SORBS2: variants seen among roughly 807,000 people sequenced by gnomAD.
SORBS2 encodes sorbin and SH3 domain-containing protein 2.
In SORBS2, 46 loss-of-function variants were observed where a neutral mutation model predicts 97.7. The ratio of observed to expected loss-of-function variants is 0.47; its 90% CI spans 0.37 to 0.60. SORBS2 has a LOEUF of 0.60. Among genes scored for constraint, SORBS2 ranks in the 20% least tolerant of loss-of-function variants. The probability of loss-of-function intolerance (pLI) is 0.00; values close to 1 mark genes in which losing one functional copy is unlikely to be tolerated. For missense variants in SORBS2, 1,316 were observed against 1,282.3 expected (o/e 1.03, Z -0.40); for synonymous variants, 476 against 473.4 (o/e 1.01, Z -0.07).
intron 1 of SORBS2, among the ~76,000 whole-genome samples, chr4:185,785,446 G>A (rs1169185076): frequency 1.3e-5 from 2 of 152,176 alleles, no homozygotes; most frequent in African/African-American, 2.4e-5. Flanking sequence ...AAATCATAAC[G>A]ATTCCGTTTT....
intron 1 of SORBS2, among the ~76,000 whole-genome samples, chr4:185,655,130 A>G (rs2097376553): frequency 6.6e-6 from 1 of 152,254 alleles, no homozygotes; most frequent in Non-Finnish European, 1.5e-5. Context: ...AAAGGTTCAC[A>G]TAGATGTCCC....
chr4:185,762,823 G>C (rs1344789632), intron 2 of SORBS2, among the ~76,000 whole-genome samples: 1 of 151,982 alleles, frequency 6.6e-6, no homozygotes, highest in Admixed American at 6.6e-5. Context: ...ACTTATGAAC[G>C]AGTTAAGAAC....
chr4:185,678,472 C>A (rs2097827205), exon 4 of SORBS2: 5 of 1,551,076 alleles, frequency 3.2e-6, no homozygotes, highest in Non-Finnish European at 4.4e-6. Flanking sequence ...GCTTCTAAAA[C>A]CTTTTGCTGC....
chr4:185,602,166 C>T (rs769725243), intron 12 of SORBS2, among the ~76,000 whole-genome samples: 4 of 152,078 alleles, frequency 2.6e-5, no homozygotes, highest in African/African-American at 4.8e-5. Flanking sequence ...CCTGTCACCA[C>T]GTCCGGCTAA....
Position 185,683,831 on chromosome 4 carries a change from C to T in SORBS2, c.-197-5009G>A, listed in dbSNP as rs532294571. ...AGTTTAGAATTAAGTGGCTGTAAAG[C>T]GAAGAACACCCTGAGTATTTAATCA... On this transcript the variant is annotated intron_variant, in intron 2 of 20. Coordinates refer to the SORBS2 transcript ENST00000284776. 3.9e-5 allele frequency among the ~76,000 whole-genome samples: 6 copies of T among 152,124 alleles called. No homozygotes were observed. In the South Asian group the frequency reaches 6.2e-4, roughly 16 times the overall value.
intron 2 of SORBS2, among the ~76,000 whole-genome samples, chr4:185,766,940 T>C (rs2098937273): frequency 6.6e-6 from 1 of 152,218 alleles, no homozygotes; most frequent in Admixed American, 6.5e-5. Context: ...TTCTATTCTA[T>C]CCTTTCTAAT....
intron 2 of SORBS2, among the ~76,000 whole-genome samples, chr4:185,697,317 C>T (rs2098190171): frequency 6.6e-6 from 1 of 152,156 alleles, no homozygotes; most frequent in Non-Finnish European, 1.5e-5. Flanking sequence ...TTGAAGCAAG[C>T]CATATGGTTT....
chr4:185,848,635 T>A (rs2099215988), intron 1 of SORBS2, among the ~76,000 whole-genome samples: 1 of 15,376 alleles, frequency 6.5e-5, no homozygotes. Flanking sequence ...TTTTTTTTTT[T>A]TTTTTTTTTT....
intron 1 of SORBS2, among the ~76,000 whole-genome samples, chr4:185,889,100 T>C (rs2099241182): frequency 6.6e-6 from 1 of 152,230 alleles, no homozygotes; most frequent in Non-Finnish European, 1.5e-5. Flanking sequence ...TTTTCTGTTT[T>C]ACTTTTATCT....
At chr4:185,797,326 G>A (rs976985150) in intron 1 of SORBS2, among the ~76,000 whole-genome samples, 2 of 152,082 alleles carry the variant, frequency 1.3e-5, no homozygotes, top group Admixed American at 6.5e-5. Flanking sequence ...CGAATTCATC[G>A]ACACTATCAT....
rs75814406 is a variant in SORBS2, at chr4:185,920,694, G to A, written c.-338+35502C>T. Among the ~76,000 whole-genome samples the A allele has an allele frequency of 7.7e-3, 1,165 of 152,222 alleles. 20 individuals carry two copies. Among genetic ancestry groups the A allele is most frequent in the African/African-American group, 0.027 (1,112 of 41,512 alleles). On this transcript the variant is annotated intron_variant, in intron 1 of 20. Coordinates refer to the SORBS2 transcript ENST00000284776. ...GTTTACCAGAAAATAGTGTATCTGC[G>A]AATTTTCACTAGTTTCCTTCAAGAA...
chr4:185,784,915 T>C (rs1281829246), intron 1 of SORBS2, among the ~76,000 whole-genome samples: 1 of 152,164 alleles, frequency 6.6e-6, no homozygotes, highest in Non-Finnish European at 1.5e-5. Flanking sequence ...CATTTGAATA[T>C]TTTTGACTCT....
intron 2 of SORBS2, among the ~76,000 whole-genome samples, chr4:185,754,279 A>C (rs769662030): frequency 1.2e-4 from 19 of 152,150 alleles, no homozygotes; most frequent in South Asian, 4.1e-4. Flanking sequence ...AGGGAATAAC[A>C]AACACCACAG....
At chr4:185,808,027 T>C (rs774179671) in intron 1 of SORBS2, among the ~76,000 whole-genome samples, 1 of 152,218 alleles carries the variant, frequency 6.6e-6, no homozygotes, top group African/African-American at 2.4e-5. Context: ...CTAATTACTA[T>C]ATGCAATTTA....
At chr4:185,874,168 G>A (rs867575096) in intron 1 of SORBS2, among the ~76,000 whole-genome samples, 16 of 152,182 alleles carry the variant, frequency 1.1e-4, no homozygotes, top group African/African-American at 2.6e-4. Flanking sequence ...ATTGAACTAC[G>A]GTTTGCTGAG....
At position 185,654,937 on chromosome 4, in the gene SORBS2, T is replaced by C. The variant is rs112904354; in HGVS notation, c.24+1678A>G. 8.5e-5 allele frequency among the ~76,000 whole-genome samples: 13 copies of C among 152,362 alleles called. 1 individual carries two copies. The highest frequency in any genetic ancestry group is 4.1e-4 in the South Asian group (2 of 4,822). On this transcript the variant is annotated intron_variant, in intron 1 of 14. Transcript: ENST00000418609. The stretch of plus-strand genomic sequence containing the variant: ...GATAAAAAAGGACATATTTTCTACA[T>C]AGCAGTATACAGTGACTCTGTTCTA...
chr4:185,742,201 G>C (rs774670114), intron 2 of SORBS2, among the ~76,000 whole-genome samples: 6 of 152,188 alleles, frequency 3.9e-5, no homozygotes, highest in Non-Finnish European at 7.4e-5. Flanking sequence ...TATTTTTCAA[G>C]GCTGTTGGCT....
chr4:185,940,929 G>C (rs955661115), intron 1 of SORBS2, among the ~76,000 whole-genome samples: 1 of 152,150 alleles, frequency 6.6e-6, no homozygotes. Flanking sequence ...AATGGATAGA[G>C]ACATTTTTGG....
intron 2 of SORBS2, among the ~76,000 whole-genome samples, chr4:185,731,330 A>G (rs76257605): frequency 6.6e-6 from 1 of 152,158 alleles, no homozygotes; most frequent in Admixed American, 6.5e-5. Flanking sequence ...CTACTTGCCA[A>G]AATATTTATA....
Sources: allele counts gnomAD v4.1 joint callset (sites outside exome capture counted in the v4.1 genomes callset), GRCh38; gene constraint gnomAD v4.1.1; transcripts MANE v1.5; gene names NCBI Gene and HGNC (gene_info 2026-07-23, HGNC 2026-07-21).